The following ACACB variants were observed in gnomAD, a reference collection of about 807,000 sequenced individuals.
ACACB encodes acetyl-CoA carboxylase 2.
ACACB carries 209 observed loss-of-function variants against 278.8 expected under a neutral mutation model. The ratio of observed to expected loss-of-function variants is 0.75; its 90% CI spans 0.67 to 0.84. The LOEUF is 0.84. Among genes scored for constraint, ACACB ranks in the 40% least tolerant of loss-of-function variants. The probability of loss-of-function intolerance (pLI) is 0.00; values close to 1 mark genes in which losing one functional copy is unlikely to be tolerated. For synonymous variants in ACACB, 1,174 were observed against 1,285.6 expected, an observed-to-expected ratio of 0.91 and a Z score of 1.86; for missense variants, 2,850 against 3,269.0, an observed-to-expected ratio of 0.87 and a Z score of 3.13.
At position 109,245,698 on chromosome 12, in the gene ACACB, G is replaced by C. The variant is rs140188899; in HGVS notation, c.5251G>C (p.Asp1751His). Residue 1751 changes from aspartate to histidine, a missense_variant, in exon 38 of 53, where the codon GAC (aspartate) becomes CAC (histidine). By Grantham distance (81) the Asp-to-His change is moderately conservative. This residue lies in a region of ACACB where 2,265 missense variants were observed against 2,561.3 expected (regional missense o/e 0.88). Transcript: ENST00000338432. Reference sequence around the variant, plus strand: ...CCTGACATACACTGAATTAGTGTTGGACTCTCAGGGCCAGCTGGTGGAGAT... The same window carrying C: ...CCTGACATACACTGAATTAGTGTTGCACTCTCAGGGCCAGCTGGTGGAGAT... ...DILTYTELVL[D>H]SQGQLVEMNR... The C allele has an allele frequency of 1.0e-4, 167 of 1,614,042 alleles. No homozygotes were observed. The highest frequency in any genetic ancestry group is 3.0e-4 in the Admixed American group (18 of 60,002).
chr12:109,241,201 C>T lies in ACACB; in HGVS notation c.4942C>T (p.Arg1648Cys), dbSNP rs1481359214. Residue 1648 changes from arginine to cysteine, a missense_variant, in exon 36 of 53, where the codon CGC becomes TGC. This residue lies in a region of ACACB where 2,265 missense variants were observed against 2,561.3 expected (regional missense o/e 0.88). Coordinates refer to ENST00000338432, the MANE Select transcript of ACACB (RefSeq NM_001093.4). ...CACCACCGGCAGTGCCGTTCCCATC[C>T]GCCTGTTCATCACCAATGAGTCGGG... ...QTTTGSAVPI[R>C]LFITNESGYY... 5 of 1,614,066 alleles carry T rather than the reference C, an allele frequency of 3.1e-6. No homozygotes were observed. Among genetic ancestry groups the T allele is most frequent in the Admixed American group, 3.3e-5 (2 of 60,004 alleles).
intron 19 of ACACB, among the ~76,000 whole-genome samples, chr12:109,204,237 G>A (rs1317505862): frequency 6.8e-6 from 1 of 146,290 alleles, no homozygotes. Context: ...TTAATTGACT[G>A]TAGAGTCACC....
chr12:109,256,531 A>C (rs2047228707), intron 45 of ACACB, among the ~76,000 whole-genome samples: 1 of 152,182 alleles, frequency 6.6e-6, no homozygotes, highest in Admixed American at 6.5e-5. Context: ...AAAACTTCAC[A>C]GACACTGGCA....
At chr12:109,208,740 C>A (rs1225699276) in intron 20 of ACACB, among the ~76,000 whole-genome samples, 3 of 152,184 alleles carry the variant, frequency 2.0e-5, no homozygotes, top group Non-Finnish European at 4.4e-5. Context: ...CTTAACTAAC[C>A]TCTCTGTGTT....
Position 109,216,863 on chromosome 12 carries a change from C to T in ACACB, c.3507C>T (p.Asp1169=). 10 of 1,614,126 alleles carry T rather than the reference C, an allele frequency of 6.2e-6. No homozygotes were observed. The highest frequency in any genetic ancestry group is 8.5e-6 in the Non-Finnish European group (10 of 1,180,040). ...QFKPDMSQVL[D]CIFSHAQVAK... ...AGCCAGACATGTCCCAGGTGCTGGA[C>T]TGCATCTTCTCCCACGCACAGGTGG... Residue 1169 remains aspartate, a synonymous_variant, in exon 24 of 53, where the codon GAC becomes GAT. Coordinates refer to ENST00000338432, the MANE Select transcript of ACACB (RefSeq NM_001093.4).
chr12:109,168,354 C>T (rs1048083951), intron 4 of ACACB, among the ~76,000 whole-genome samples: 37 of 152,142 alleles, frequency 2.4e-4, no homozygotes, highest in African/African-American at 8.4e-4. Context: ...TTCATTCTTC[C>T]GTTCATTTGC....
At chr12:109,145,371 T>C (rs2136051491) in intron 2 of ACACB, among the ~76,000 whole-genome samples, 1 of 152,300 alleles carries the variant, frequency 6.6e-6, no homozygotes, top group African/African-American at 2.4e-5. Context: ...TAATTCCCAG[T>C]GGTGAAGCCT....
chr12:109,211,437 A>C (rs11616172), intron 21 of ACACB, among the ~76,000 whole-genome samples: 7 of 148,644 alleles, frequency 4.7e-5, no homozygotes, highest in Non-Finnish European at 1.0e-4. Context: ...TTTTTTAGTG[A>C]AGATGGGTTT....
At chr12:109,125,496 TG>T (rs771311896) in intron 1 of ACACB, 5 of 152,198 alleles carry the variant, frequency 3.3e-5, no homozygotes, top group Non-Finnish European at 7.3e-5. Context: ...CTGTGCATGA[TG>T]AACTGGAGGG....
chr12:109,238,154 C>A (rs938407710), intron 34 of ACACB, among the ~76,000 whole-genome samples: 4 of 151,240 alleles, frequency 2.6e-5, no homozygotes, highest in African/African-American at 7.3e-5. Flanking sequence ...TAGTTGTTGA[C>A]TGTTTCTAGA....
At position 109,175,230 on chromosome 12, in the gene ACACB, T is replaced by C. The variant is rs564231816; in HGVS notation, c.1217-701T>C. Reference sequence around the variant, plus strand: ...AGTTTCCTATTAAATTTGTTTTTTTTTCCCCCCCCAAAAGTTGAATTTTAA... The same window carrying C: ...AGTTTCCTATTAAATTTGTTTTTTTCTCCCCCCCCAAAAGTTGAATTTTAA... On this transcript the variant is annotated intron_variant, in intron 7 of 52. Coordinates refer to ENST00000338432, the MANE Select transcript of ACACB (RefSeq NM_001093.4). Among the ~76,000 whole-genome samples the C allele has an allele frequency of 2.2e-4, 33 of 152,254 alleles. No homozygotes were observed. In the South Asian group the frequency reaches 5.8e-3, roughly 27 times the overall value.
intron 28 of ACACB, among the ~76,000 whole-genome samples, chr12:109,231,837 A>G (rs2046482550): frequency 6.6e-6 from 1 of 152,186 alleles, no homozygotes; most frequent in African/African-American, 2.4e-5. Flanking sequence ...CGCACCAGGG[A>G]TTGGTGGCTG....
At chr12:109,216,566 A>C (rs1431542959) in intron 22 of ACACB, 52 bp from the exon 23 acceptor site, 1 of 1,529,644 alleles carries the variant, frequency 6.5e-7, no homozygotes, top group East Asian at 2.3e-5. Context: ...CTAAATATTC[A>C]GGTACTCAAG....
chr12:109,247,830 G>A lies in ACACB; in HGVS notation c.5669+127G>A, dbSNP rs933570448. The A allele has an allele frequency of 5.6e-6, 4 of 720,396 alleles. No individual in the cohort carries two copies. In the Admixed American group the frequency reaches 7.3e-5, roughly 13 times the overall value. The allele number at this position is 720,396 out of a possible 1,614,324, so 44.6% of individuals were successfully genotyped here. On this transcript the variant is annotated intron_variant, in intron 40 of 52. Coordinates refer to ENST00000338432, the MANE Select transcript of ACACB (RefSeq NM_001093.4). ...GTTTGTATGATGGGAACCAATGCCT[G>A]TTGGGGGCACTGATGCCTTAAACAT...
At chr12:109,129,466 T>C (rs2042767074) in intron 1 of ACACB, among the ~76,000 whole-genome samples, 1 of 152,176 alleles carries the variant, frequency 6.6e-6, no homozygotes, top group African/African-American at 2.4e-5. Context: ...CCTGCAACAC[T>C]CCCTAACATT....
At position 109,247,706 on chromosome 12, in the gene ACACB, A is replaced by C; in HGVS notation, c.5669+3A>C. ...ATCGAGGAAGGAGGAGAGTCCAGGT[A>C]AATAACTTATCAGGTAGCTCCTTAA... On this transcript the variant is annotated splice_donor_region_variant and intron_variant, in intron 40 of 52. Transcript: ENST00000338432. The C allele has an allele frequency of 6.2e-7, 1 of 1,609,302 alleles. No individual in the cohort carries two copies. The highest frequency in any genetic ancestry group is 1.1e-5 in the South Asian group (1 of 90,754).
Position 109,206,105 on chromosome 12 carries a change from A to G in ACACB, c.2914-605A>G, listed in dbSNP as rs116377310. Among the ~76,000 whole-genome samples, 1,036 of 152,274 alleles carry G rather than the reference A, an allele frequency of 6.8e-3. 13 individuals carry two copies. The highest frequency in any genetic ancestry group is 0.022 in the African/African-American group (933 of 41,538). ...TAGAGAATGAAAATAAATACAGAAC[A>G]TGAGATTTGTTGATTATAAAGCAAA... On this transcript the variant is annotated intron_variant, in intron 19 of 52. Coordinates refer to ENST00000338432, the MANE Select transcript of ACACB (RefSeq NM_001093.4).
In ACACB at chr12:109,197,046, G is replaced by T; in HGVS notation, c.2520G>T (p.Met840Ile). 1 of 1,590,480 alleles carries T rather than the reference G, an allele frequency of 6.3e-7. No individual in the cohort carries two copies. The highest frequency in any genetic ancestry group is 8.5e-7 in the Non-Finnish European group (1 of 1,170,796). Reference protein sequence around the residue: ...RQSLTMFVLIMNGCHIEIDAH... With the variant: ...RQSLTMFVLIINGCHIEIDAH... ...CTCTGACCATGTTCGTTCTCATCAT[G>T]AATGGCTGCCACATCGAGATTGATG... The change falls in exon 17 of 53, where the codon ATG (methionine) becomes ATT (isoleucine). Residue 840 changes from methionine to isoleucine, a missense_variant. Around this residue, in one of 3 missense-constraint regions of ACACB, gnomAD observed 2,265 missense variants for 2,561.3 expected, o/e 0.88. Coordinates refer to ENST00000338432, the MANE Select transcript of ACACB (RefSeq NM_001093.4).
chr12:109,190,867 C>T (rs1476199374), intron 13 of ACACB, among the ~76,000 whole-genome samples: 1 of 151,914 alleles, frequency 6.6e-6, no homozygotes, highest in Non-Finnish European at 1.5e-5. Context: ...CTCAAGCAAT[C>T]CTCCCGCCTC....
Sources: allele counts gnomAD v4.1 joint callset (sites outside exome capture counted in the v4.1 genomes callset), GRCh38; gene constraint gnomAD v4.1.1; regional missense constraint gnomAD v4.1.1; transcripts MANE v1.5; gene names NCBI Gene and HGNC (gene_info 2026-07-23, HGNC 2026-07-21).